The following BPTF variants were observed in gnomAD, a reference collection of about 807,000 sequenced individuals.
BPTF encodes the protein bromodomain PHD finger transcription factor.
Under a neutral mutation model 292.5 loss-of-function variants are expected in BPTF, and 18 were observed. That is an observed-to-expected ratio of 0.06 (90% CI 0.04 to 0.09). BPTF has a LOEUF of 0.09. Among genes scored for constraint, BPTF ranks in the 10% least tolerant of loss-of-function variants. The probability of loss-of-function intolerance (pLI) is 1.00; values close to 1 mark genes in which losing one functional copy is unlikely to be tolerated. For synonymous variants in BPTF, 1,225 were observed against 1,251.9 expected (o/e 0.98, Z 0.45); for missense variants, 2,726 against 3,498.7 (o/e 0.78, Z 5.57).
intron 23 of BPTF, among the ~76,000 whole-genome samples, chr17:67,952,502 A>G (rs1202366075): frequency 1.3e-5 from 2 of 151,994 alleles, no homozygotes; most frequent in Middle Eastern, 3.2e-3. Context: ...ACCTCAAGTG[A>G]TCCTCCCTCC....
At chr17:67,886,463 G>C (rs2060761501) in intron 4 of BPTF, 1 of 529,180 alleles carries the variant, frequency 1.9e-6, no homozygotes, top group Admixed American at 3.7e-5. Flanking sequence ...GTGGAATTTA[G>C]ATGTTCTTTT....
chr17:67,952,054 CAAAAAAAA>C (rs56099409), intron 23 of BPTF, among the ~76,000 whole-genome samples: 2 of 71,386 alleles, frequency 2.8e-5, no homozygotes, highest in Admixed American at 2.1e-4. Flanking sequence ...GACTCTGTCT[CAAAAAAAA>C]AAAAAAAAAA....
At chr17:67,883,001 TAAAAAAAAAAAAA>T (rs886889170) in intron 4 of BPTF, among the ~76,000 whole-genome samples, 1 of 94,672 alleles carries the variant, frequency 1.1e-5, no homozygotes, top group African/African-American at 3.8e-5. Context: ...AGACGTTGTC[TAAAAAAAAAAAAA>T]AAAAAAGAAA....
At chr17:67,914,049 T>G (rs114944673) in intron 11 of BPTF, among the ~76,000 whole-genome samples, 2,608 of 152,310 alleles carry the variant, frequency 0.017, 65 homozygotes, top group African/African-American at 0.055. Flanking sequence ...ACATAAACAC[T>G]GAAAACATGA....
intron 1 of BPTF, among the ~76,000 whole-genome samples, chr17:67,849,639 T>A (rs1238602248): frequency 1.3e-5 from 2 of 152,074 alleles, no homozygotes; most frequent in Non-Finnish European, 2.9e-5. Context: ...TGGGAATTGT[T>A]AGAAATGCAA....
intron 4 of BPTF, among the ~76,000 whole-genome samples, chr17:67,883,897 C>T (rs2060581480): frequency 6.6e-6 from 1 of 152,206 alleles, no homozygotes; most frequent in African/African-American, 2.4e-5. Context: ...CCGCGCCCGG[C>T]TCGTTTTGTT....
chr17:67,829,424 G>A (rs1421669981), intron 1 of BPTF, among the ~76,000 whole-genome samples: 2 of 151,758 alleles, frequency 1.3e-5, no homozygotes, highest in South Asian at 4.2e-4. Flanking sequence ...GTGCCATGGT[G>A]GCTTGCTGCA....
At position 67,874,918 on chromosome 17, in the gene BPTF, A is replaced by G. The variant is rs1482497549; in HGVS notation, c.1762A>G (p.Lys588Glu). ...CAAGAATGAGACTGAGAATGACTCT[A>G]AAGATGCTGAGAAAAACAGAGAAGA... ...KDKNETENDS[K>E]DAEKNREEFE... The change falls in exon 4 of 28, where the codon AAA becomes GAA. Residue 588 changes from lysine to glutamate, a missense_variant. Coordinates refer to ENST00000306378, the MANE Select transcript of BPTF (RefSeq NM_182641.4). 6.2e-7 allele frequency: 1 copy of G among 1,613,830 alleles called. No homozygotes were observed. Among genetic ancestry groups the G allele is most frequent in the Non-Finnish European group, 8.5e-7 (1 of 1,179,800 alleles).
chr17:67,888,594 A>G, intron 4 of BPTF, among the ~76,000 whole-genome samples: 1 of 147,134 alleles, frequency 6.8e-6, no homozygotes, highest in South Asian at 2.1e-4. Flanking sequence ...CGTCTCAAAA[A>G]AAAAAAAAAA....
At position 67,826,042 on chromosome 17, in the gene BPTF, C is replaced by T; in HGVS notation, c.318C>T (p.Gly106=). 8.5e-7 allele frequency: 1 copy of T among 1,178,694 alleles called. No homozygotes were observed. The highest frequency in any genetic ancestry group is 1.1e-6 in the Non-Finnish European group (1 of 925,890). 73.0% of individuals were successfully genotyped at this position (1,178,694 alleles called of 1,614,324 possible). The change falls in exon 1 of 28, where the codon GGC becomes GGT. Residue 106 remains glycine, a synonymous_variant. Coordinates refer to ENST00000306378, the MANE Select transcript of BPTF (RefSeq NM_182641.4). ...GGGGCGGCAGGACGGGGGGCGGGGG[C>T]GGCGGCGGCCACCTGGCCCGGACCA... The part of the protein sequence containing the change: ...GGGGGRTGGG[G]GGGHLARTTA...
intron 7 of BPTF, among the ~76,000 whole-genome samples, chr17:67,895,618 A>G (rs552894572): frequency 6.6e-6 from 1 of 151,928 alleles, no homozygotes; most frequent in Non-Finnish European, 1.5e-5. Flanking sequence ...GCATTCCACT[A>G]TGCCTGGCTA....
Position 67,912,937 on chromosome 17 carries a change from C to G in BPTF, c.5053C>G (p.Arg1685Gly). ...SMTVSKEYST[R>G]DKVKLMKFSR... ...GACTGTGAGCAAAGAGTATTCCACACGAGACAAAGTGAAACTGATGAAATT... is the reference window on the plus strand; with the variant it reads ...GACTGTGAGCAAAGAGTATTCCACAGGAGACAAAGTGAAACTGATGAAATT... The change falls in exon 11 of 28, where the codon CGA becomes GGA. Residue 1685 changes from arginine (R) to glycine (G), a missense_variant. Physicochemically the swap from Arg to Gly is moderately radical, Grantham distance 125. Around this residue, in one of 22 missense-constraint regions of BPTF, gnomAD observed 144 missense variants for 177.2 expected, o/e 0.81. Transcript: ENST00000306378. The G allele has an allele frequency of 6.2e-7, 1 of 1,614,176 alleles. No homozygotes were observed. The highest frequency in any genetic ancestry group is 8.5e-7 in the Non-Finnish European group (1 of 1,180,026).
chr17:67,857,107 C>T (rs1406821766), intron 2 of BPTF, among the ~76,000 whole-genome samples: 1 of 150,778 alleles, frequency 6.6e-6, no homozygotes, highest in Non-Finnish European at 1.5e-5. Flanking sequence ...TTGTTGTTAC[C>T]ATGTCTCCCC....
chr17:67,979,295 A>C (rs7222839), intron 27 of BPTF, among the ~76,000 whole-genome samples: 140,615 of 152,096 alleles, frequency 0.92, 66,033 homozygotes, highest in East Asian at 1. Context: ...CATCTGTAAT[A>C]CCAACACTTT....
At chr17:67,826,888 G>A (rs1240745632) in intron 1 of BPTF, among the ~76,000 whole-genome samples, 1 of 152,142 alleles carries the variant, frequency 6.6e-6, no homozygotes, top group Non-Finnish European at 1.5e-5. Flanking sequence ...TTTTAAAATT[G>A]TGTTAAGGAA....
intron 20 of BPTF, 68 bp downstream of exon 20, chr17:67,944,440 A>G: frequency 9.2e-6 from 14 of 1,529,072 alleles, no homozygotes; most frequent in Non-Finnish European, 1.1e-5. Flanking sequence ...ACAGAGGCCA[A>G]CAGGAGAACC....
chr17:67,906,393 A>G lies in BPTF; in HGVS notation c.2812+1553A>G, dbSNP rs116833071. ...GCGCCTGGCCTATAAATAAGCTATT[A>G]ATTGAGTTTTTACAACTGGCTAATG... On this transcript the variant is annotated intron_variant, in intron 9 of 27. Coordinates refer to ENST00000306378, the MANE Select transcript of BPTF (RefSeq NM_182641.4). Among the ~76,000 whole-genome samples, 544 of 152,196 alleles carry G rather than the reference A, an allele frequency of 3.6e-3. 3 individuals are homozygous for G. The highest frequency in any genetic ancestry group is 0.013 in the African/African-American group (522 of 41,540).
rs558511777 is a variant in BPTF, at chr17:67,909,785, G to A, written c.2992+24G>A. The A allele has an allele frequency of 7.3e-5, 110 of 1,512,394 alleles. 2 individuals are homozygous for A. The South Asian group carries it at 1.4e-3, about 19-fold the overall frequency. 93.7% of individuals were successfully genotyped at this position (1,512,394 alleles called of 1,614,324 possible). On this transcript the variant is annotated intron_variant, in intron 10 of 27. Transcript: ENST00000306378. Reference sequence around the variant, plus strand: ...AGGTAAGGAGAGTCAGCTGTGGAGGGCAGCCTGGGGGTGATAAGAATGCAC... The same window carrying A: ...AGGTAAGGAGAGTCAGCTGTGGAGGACAGCCTGGGGGTGATAAGAATGCAC...
At chr17:67,937,797 TC>T (rs1368050141) in intron 18 of BPTF, among the ~76,000 whole-genome samples, 2 of 152,256 alleles carry the variant, frequency 1.3e-5, no homozygotes, top group African/African-American at 4.8e-5. Context: ...TTATCCCTCT[TC>T]CTACGCCACA....
Sources: allele counts gnomAD v4.1 joint callset (sites outside exome capture counted in the v4.1 genomes callset), GRCh38; gene constraint gnomAD v4.1.1; regional missense constraint gnomAD v4.1.1; transcripts MANE v1.5; gene names NCBI Gene and HGNC (gene_info 2026-07-23, HGNC 2026-07-21).